The following ADGRV1 variants were observed in gnomAD, a reference collection of about 807,000 sequenced individuals.
ADGRV1 encodes the protein G-protein coupled receptor 98.
Under a neutral mutation model 596.2 loss-of-function variants are expected in ADGRV1, and 359 were observed. The ratio of observed to expected loss-of-function variants is 0.60; its 90% confidence interval spans 0.55 to 0.66. The LOEUF is 0.66. Among genes scored for constraint, ADGRV1 ranks in the 30% least tolerant of loss-of-function variants. The pLI is 0.00. For synonymous variants in ADGRV1, 2,681 were observed against 2,679.2 expected, an observed-to-expected ratio of 1.00 and a Z score of -0.02; for missense variants, 7,274 against 7,575.6, an observed-to-expected ratio of 0.96 and a Z score of 1.48.
At chr5:91,056,187 C>T (rs1215211801) in intron 85 of ADGRV1, among the ~76,000 whole-genome samples, 3 of 152,220 alleles carry the variant, frequency 2.0e-5, no homozygotes, top group Non-Finnish European at 4.4e-5. Context: ...TGGGCCCTTT[C>T]TGTTGCCCAA....
chr5:90,935,697 T>C (rs576930359), intron 83 of ADGRV1, among the ~76,000 whole-genome samples: 43 of 152,374 alleles, frequency 2.8e-4, no homozygotes, highest in Non-Finnish European at 5.1e-4. Flanking sequence ...AACTCTGGTA[T>C]GTGTTCAGCA....
intron 87 of ADGRV1, among the ~76,000 whole-genome samples, chr5:91,144,924 C>T (rs1795405689): frequency 6.6e-6 from 1 of 152,210 alleles, no homozygotes; most frequent in African/African-American, 2.4e-5. Context: ...TCTTATAATT[C>T]TTTCACAGAC....
intron 87 of ADGRV1, among the ~76,000 whole-genome samples, chr5:91,103,402 C>G: frequency 6.6e-6 from 1 of 150,864 alleles, no homozygotes; most frequent in East Asian, 1.9e-4. Context: ...AGTGAACAAT[C>G]AGCTCTAAGA....
Position 90,694,098 on chromosome 5 carries a change from G to A in ADGRV1, c.7342G>A (p.Ala2448Thr). ...TCATLCLKEQACSAFSFFSAS... is the reference protein window; with the variant it reads ...TCATLCLKEQTCSAFSFFSAS... ...TGCCACTTTGTGCCTTAAGGAACAA[G>A]CTTGCTCAGCGTTTTCATTTTTCAG... The change falls in exon 33 of 90, where the codon GCT (alanine) becomes ACT (threonine). Residue 2448 changes from alanine to threonine, a missense_variant. By Grantham distance (58) the Ala-to-Thr change is moderately conservative. This residue lies in a region of ADGRV1 where 3,643 missense variants were observed against 3,809.2 expected (regional missense o/e 0.96). Transcript: ENST00000405460. 2 of 1,613,838 alleles carry A rather than the reference G, an allele frequency of 1.2e-6. No individual in the cohort carries two copies. The highest frequency in any genetic ancestry group is 1.7e-6 in the Non-Finnish European group (2 of 1,179,852).
At chr5:90,995,232 T>C (rs1159789708) in intron 85 of ADGRV1, among the ~76,000 whole-genome samples, 2 of 152,194 alleles carry the variant, frequency 1.3e-5, no homozygotes, top group African/African-American at 4.8e-5. Context: ...TAACTTCCTG[T>C]CTCCTTACCC....
At chr5:90,872,330 G>A (rs975423215) in intron 83 of ADGRV1, among the ~76,000 whole-genome samples, 7 of 151,754 alleles carry the variant, frequency 4.6e-5, no homozygotes, top group Non-Finnish European at 1.5e-5. Context: ...AAGTGTTTGT[G>A]TCCTCATTGC....
rs181440458 is a variant in ADGRV1 at position 90,846,541 on chromosome 5, G to A, written c.17020-2096G>A. ...AGTGAGTGTTACAGTTCTTAAAGGC[G>A]GCGTGTCTGGAGTTTGTTCCTTCTG... On this transcript the variant is annotated intron_variant, in intron 78 of 89. Transcript: ENST00000405460. The A allele has an allele frequency of 4.7e-3, 745 of 159,618 alleles. 26 individuals are homozygous for A. The highest frequency in any genetic ancestry group is 0.044 in the Admixed American group (673 of 15,396). 9.9% of individuals were successfully genotyped at this position (159,618 alleles called of 1,614,324 possible).
At chr5:90,936,176 T>C (rs914005602) in intron 83 of ADGRV1, among the ~76,000 whole-genome samples, 2 of 152,176 alleles carry the variant, frequency 1.3e-5, no homozygotes, top group African/African-American at 4.8e-5. Flanking sequence ...TCCAATCTTC[T>C]TGATTTCTTC....
chr5:91,061,128 G>A, intron 85 of ADGRV1, among the ~76,000 whole-genome samples: 1 of 152,162 alleles, frequency 6.6e-6, no homozygotes, highest in Admixed American at 6.5e-5. Flanking sequence ...GGAGCAAGAG[G>A]TAAGAACAGG....
intron 87 of ADGRV1, among the ~76,000 whole-genome samples, chr5:91,143,706 G>T (rs1398661534): frequency 1.3e-5 from 2 of 152,172 alleles, no homozygotes; most frequent in African/African-American, 4.8e-5. Flanking sequence ...AGGACTGACA[G>T]CCTGGCCCCC....
At chr5:90,628,115 T>C (rs1252462263) in intron 7 of ADGRV1, among the ~76,000 whole-genome samples, 1 of 151,874 alleles carries the variant, frequency 6.6e-6, no homozygotes, top group African/African-American at 2.4e-5. Flanking sequence ...CCGCCAGGCA[T>C]GGTGACTCAC....
At chr5:90,770,522 A>ATTTT (rs1757581034) in intron 59 of ADGRV1, among the ~76,000 whole-genome samples, 1 of 152,168 alleles carries the variant, frequency 6.6e-6, no homozygotes, top group Non-Finnish European at 1.5e-5. Flanking sequence ...TTTTAGAAAG[A>ATTTT]TTTTAATCTT....
At chr5:90,609,943 C>T (rs552012980) in intron 1 of ADGRV1, among the ~76,000 whole-genome samples, 21 of 152,018 alleles carry the variant, frequency 1.4e-4, no homozygotes, top group Non-Finnish European at 2.9e-4. Flanking sequence ...TATTTTTAAT[C>T]GAAGTCGATT....
chr5:90,689,730 G>A, intron 29 of ADGRV1, 131 bp from the exon 30 acceptor site: 1 of 634,798 alleles, frequency 1.6e-6, no homozygotes, highest in Non-Finnish European at 2.7e-6. Flanking sequence ...TAGAATAAAT[G>A]TAGTCAATAT....
chr5:90,749,194 A>G (rs1346408602), intron 52 of ADGRV1, among the ~76,000 whole-genome samples: 3 of 152,186 alleles, frequency 2.0e-5, no homozygotes, highest in Non-Finnish European at 4.4e-5. Flanking sequence ...ATACTTGCCA[A>G]TAGATACTGA....
At chr5:90,982,474 G>C (rs1780156632) in intron 84 of ADGRV1, among the ~76,000 whole-genome samples, 1 of 152,182 alleles carries the variant, frequency 6.6e-6, no homozygotes, top group Non-Finnish European at 1.5e-5. Context: ...TCTCATTCAA[G>C]TTTTGGGTGG....
chr5:91,100,493 G>T (rs1390970505), intron 86 of ADGRV1, among the ~76,000 whole-genome samples: 1 of 151,726 alleles, frequency 6.6e-6, no homozygotes, highest in South Asian at 2.1e-4. Flanking sequence ...AAGGAAGCAG[G>T]GAGGGAGGAA....
chr5:91,011,766 A>C (rs1334443361), intron 85 of ADGRV1, among the ~76,000 whole-genome samples: 8 of 151,964 alleles, frequency 5.3e-5, no homozygotes, highest in Non-Finnish European at 1.2e-4. Flanking sequence ...GGAAAAAAAA[A>C]AGCAATGCTA....
intron 25 of ADGRV1, among the ~76,000 whole-genome samples, chr5:90,677,422 A>G (rs1243396245): frequency 6.6e-6 from 1 of 152,188 alleles, no homozygotes; most frequent in Admixed American, 6.5e-5. Context: ...ATATAAAAAT[A>G]CCAGCTTTTC....
Sources: gnomAD v4.1 joint callset for allele counts (sites outside exome capture counted in the v4.1 genomes callset) on GRCh38, gnomAD v4.1.1 for gene constraint, gnomAD v4.1.1 regional missense constraint, MANE v1.5 for transcripts, NCBI Gene and HGNC (gene_info 2026-07-23, HGNC 2026-07-21) for gene names.